The following FYN variants were observed in gnomAD, a reference collection of about 807,000 sequenced individuals.
FYN encodes the protein FYN proto-oncogene, Src family tyrosine kinase, also known as tyrosine-protein kinase Fyn.
In FYN, 10 loss-of-function variants were observed where a neutral mutation model predicts 70.2. That is an observed-to-expected ratio of 0.14 (90% confidence interval 0.09 to 0.24). FYN has a LOEUF of 0.24. Ranked by LOEUF, FYN falls within the 10% of genes least tolerant of loss-of-function variation. The pLI, the probability that FYN is intolerant of heterozygous loss-of-function variation, is 1.00. For missense variants in FYN, 319 were observed against 673.1 expected, an observed-to-expected ratio of 0.47 and a Z score of 5.82; for synonymous variants, 236 against 248.6, an observed-to-expected ratio of 0.95 and a Z score of 0.48.
chr6:111,678,250 C>A (rs1266985902), intron 12 of FYN, among the ~76,000 whole-genome samples: 39 of 151,932 alleles, frequency 2.6e-4, no homozygotes, highest in Non-Finnish European at 1.6e-4. Context: ...GAAACCTCGA[C>A]TTGTCATTGT....
intron 3 of FYN, among the ~76,000 whole-genome samples, chr6:111,742,721 C>G (rs1483496255): frequency 6.6e-6 from 1 of 152,178 alleles, no homozygotes. Flanking sequence ...AAGCCAAACA[C>G]AAAGATGGGA....
intron 3 of FYN, among the ~76,000 whole-genome samples, chr6:111,734,890 C>T (rs1318730707): frequency 2.0e-5 from 3 of 152,138 alleles, no homozygotes; most frequent in Non-Finnish European, 4.4e-5. Context: ...TAAGGGCTGC[C>T]GGTATAAAGT....
At chr6:111,802,734 C>G (rs1312331549) in intron 2 of FYN, among the ~76,000 whole-genome samples, 2 of 150,636 alleles carry the variant, frequency 1.3e-5, no homozygotes, top group Admixed American at 6.6e-5. Flanking sequence ...TGGTCCCAAT[C>G]AGGTAATTTT....
chr6:111,813,321 C>A (rs1205612371), intron 2 of FYN, among the ~76,000 whole-genome samples: 4 of 152,128 alleles, frequency 2.6e-5, no homozygotes, highest in Non-Finnish European at 4.4e-5. Context: ...ATACTCACCA[C>A]CAGAGAACCC....
chr6:111,866,987 T>C (rs537049314), intron 1 of FYN, among the ~76,000 whole-genome samples: 3 of 152,312 alleles, frequency 2.0e-5, no homozygotes, highest in East Asian at 1.9e-4. Context: ...TTGTTCTTTA[T>C]GTTGCTCAAC....
At chr6:111,794,789 C>T (rs1241822462) in intron 2 of FYN, among the ~76,000 whole-genome samples, 3 of 152,102 alleles carry the variant, frequency 2.0e-5, no homozygotes, top group African/African-American at 7.2e-5. Flanking sequence ...CTGTATGGCC[C>T]GCAAAGATGA....
At chr6:111,716,124 G>A (rs1800632090) in intron 4 of FYN, among the ~76,000 whole-genome samples, 1 of 152,244 alleles carries the variant, frequency 6.6e-6, no homozygotes, top group Non-Finnish European at 1.5e-5. Flanking sequence ...CTGGTCAGCT[G>A]TGTATGATCA....
chr6:111,859,848 G>A (rs985443358), intron 1 of FYN, among the ~76,000 whole-genome samples: 2 of 152,174 alleles, frequency 1.3e-5, no homozygotes, highest in African/African-American at 4.8e-5. Context: ...GGAAAAAGGG[G>A]TCTTTGTAGA....
chr6:111,720,664 C>T (rs191236584), intron 3 of FYN, among the ~76,000 whole-genome samples: 7 of 152,222 alleles, frequency 4.6e-5, no homozygotes, highest in Admixed American at 3.9e-4. Context: ...AAAATAAAAT[C>T]GGCAGAACCT....
chr6:111,713,070 T>C (rs1165225348), intron 5 of FYN, among the ~76,000 whole-genome samples: 1 of 152,128 alleles, frequency 6.6e-6, no homozygotes, highest in Non-Finnish European at 1.5e-5. Context: ...TAATATATGT[T>C]TGAAAACCCT....
At chr6:111,762,426 AG>A (rs1358828916) in intron 3 of FYN, among the ~76,000 whole-genome samples, 1 of 152,152 alleles carries the variant, frequency 6.6e-6, no homozygotes, top group African/African-American at 2.4e-5. Context: ...CAGGCCATGA[AG>A]GGAAGGTGGG....
chr6:111,762,655 T>C (rs959376786), intron 3 of FYN, among the ~76,000 whole-genome samples: 2 of 152,192 alleles, frequency 1.3e-5, no homozygotes, highest in Non-Finnish European at 2.9e-5. Flanking sequence ...CTGATGTATT[T>C]TGAAATGGCC....
intron 3 of FYN, among the ~76,000 whole-genome samples, chr6:111,759,430 T>C (rs1802903132): frequency 6.6e-6 from 1 of 152,220 alleles, no homozygotes; most frequent in African/African-American, 2.4e-5. Context: ...CTGCTCACTC[T>C]TCTCAGCTCA....
In FYN at chr6:111,661,483, T is replaced by C. The variant is rs769335486; in HGVS notation, c.*256A>G. On this transcript the variant is annotated 3_prime_UTR_variant, in exon 14 of 14. Transcript: ENST00000354650. This position sits in a 1 kb window ranked among gnomAD's most constrained non-coding sequence, Gnocchi z 4.0. ...TACACTGAACAGAGGTTTGGCCTTT[T>C]ACATAACATCGATACAATGCATTTT... The C allele has an allele frequency of 4.5e-6, 2 of 440,048 alleles. No homozygotes were observed. Among genetic ancestry groups the C allele is most frequent in the South Asian group, 3.7e-5 (1 of 27,094 alleles). The allele number at this position is 440,048 out of a possible 1,614,324, so 27.3% of individuals were successfully genotyped here.
chr6:111,669,892 C>G (rs1053304291), intron 13 of FYN, among the ~76,000 whole-genome samples: 1 of 151,860 alleles, frequency 6.6e-6, no homozygotes, highest in Admixed American at 6.6e-5. Context: ...GGGGGCCCAA[C>G]AGAAATATGC....
At chr6:111,700,371 C>A in intron 8 of FYN, 103 bp from the exon 9 acceptor site, 1 of 1,170,168 alleles carries the variant, frequency 8.5e-7, no homozygotes, top group Non-Finnish European at 1.2e-6. Flanking sequence ...CAGTGCTCCT[C>A]AAACAGTGCT....
intron 3 of FYN, among the ~76,000 whole-genome samples, chr6:111,751,465 A>ACAACAACAAAAC (rs1554284195): frequency 2.0e-5 from 3 of 150,454 alleles, no homozygotes; most frequent in Non-Finnish European, 4.4e-5. Context: ...AACAACAAAA[A>ACAACAACAAAAC]CCCCCCAAAA....
intron 5 of FYN, among the ~76,000 whole-genome samples, chr6:111,709,586 CTAT>C (rs1008090267): frequency 1.3e-5 from 2 of 152,190 alleles, no homozygotes; most frequent in Non-Finnish European, 2.9e-5. Context: ...CCTTTTTACC[CTAT>C]TACAAATCCA....
intron 5 of FYN, among the ~76,000 whole-genome samples, chr6:111,708,724 C>T (rs1355923221): frequency 6.6e-6 from 1 of 152,112 alleles, no homozygotes; most frequent in Admixed American, 6.5e-5. Flanking sequence ...GGAATGGCTG[C>T]GTGTGCTCGC....
Sources: allele counts gnomAD v4.1 joint callset (sites outside exome capture counted in the v4.1 genomes callset), GRCh38; gene constraint gnomAD v4.1.1; non-coding constraint Gnocchi (gnomAD v3.1); transcripts MANE v1.5; gene names NCBI Gene and HGNC (gene_info 2026-07-23, HGNC 2026-07-21).